The following WASHC4 variants were observed in gnomAD, a reference collection of about 807,000 sequenced individuals.
WASHC4 encodes WASH complex subunit 4, also known as WASH complex subunit 7.
Under a neutral mutation model 166.6 loss-of-function variants are expected in WASHC4, and 86 were observed. The ratio of observed to expected loss-of-function variants is 0.52; its 90% CI spans 0.43 to 0.62. The LOEUF (loss-of-function observed/expected upper bound fraction) is 0.62, where lower values mean the gene tolerates loss of function less well. Ranked by LOEUF, WASHC4 falls within the 20% of genes least tolerant of loss-of-function variation. The pLI is 0.00. For synonymous variants in WASHC4, 446 were observed against 451.6 expected (o/e 0.99, Z 0.16); for missense variants, 1,262 against 1,382.4 (o/e 0.91, Z 1.38).
intron 26 of WASHC4, among the ~76,000 whole-genome samples, chr12:105,153,721 G>A (rs376845209): frequency 3.1e-4 from 47 of 152,254 alleles, no homozygotes; most frequent in Middle Eastern, 3.4e-3. Context: ...TCCTTCTAGA[G>A]CAGTGTTACT....
At chr12:105,109,560 A>C (rs1879445326) in intron 1 of WASHC4, among the ~76,000 whole-genome samples, 1 of 151,718 alleles carries the variant, frequency 6.6e-6, no homozygotes, top group African/African-American at 2.4e-5. Context: ...GGAACTTTTA[A>C]TGTTATTTTA....
chr12:105,140,412 T>G lies in WASHC4; in HGVS notation c.1560+11T>G. On this transcript the variant is annotated intron_variant, in intron 16 of 32. Coordinates refer to ENST00000332180, the MANE Select transcript of WASHC4 (RefSeq NM_015275.3). ...ATTTCTGTGGCCAAGGTATGCAGCT[T>G]ATTATGTATTTAGCATAAGTATGTT... 6.5e-7 allele frequency: 1 copy of G among 1,539,996 alleles called. No individual in the cohort carries two copies. The highest frequency in any genetic ancestry group is 9.0e-7 in the Non-Finnish European group (1 of 1,112,432).
chr12:105,107,971 G>C (rs775255592), intron 1 of WASHC4, 110 bp downstream of exon 1: 6 of 833,276 alleles, frequency 7.2e-6, no homozygotes, highest in Non-Finnish European at 8.0e-6. Flanking sequence ...CGTCTGGTGC[G>C]GGACACTTCA....
At chr12:105,123,102 T>G (rs1251743678) in intron 10 of WASHC4, among the ~76,000 whole-genome samples, 1 of 152,106 alleles carries the variant, frequency 6.6e-6, no homozygotes, top group Non-Finnish European at 1.5e-5. Context: ...TCACGTGAGG[T>G]CAGGAGTTCA....
At chr12:105,114,294 T>A in intron 3 of WASHC4, 25 bp downstream of exon 3, 1 of 1,605,044 alleles carries the variant, frequency 6.2e-7, no homozygotes, top group Non-Finnish European at 8.5e-7. Context: ...ATCTAAAAAA[T>A]TGTTTTAAAA....
At chr12:105,121,062 C>G in intron 8 of WASHC4, 39 bp from the exon 9 acceptor site, 1 of 1,352,984 alleles carries the variant, frequency 7.4e-7, no homozygotes, top group Non-Finnish European at 1.1e-6. Context: ...TAACTTCTAA[C>G]TAGTGACTAA....
At chr12:105,140,451 G>C (rs765881902) in intron 16 of WASHC4, 50 bp downstream of exon 16, 1 of 1,327,062 alleles carries the variant, frequency 7.5e-7, no homozygotes, top group Non-Finnish European at 1.1e-6. Context: ...TTTTTTGTTT[G>C]TTCTTTCATT....
At chr12:105,140,850 C>G in intron 16 of WASHC4, 49 bp from the exon 17 acceptor site, 2 of 1,573,034 alleles carry the variant, frequency 1.3e-6, no homozygotes, top group Non-Finnish European at 1.7e-6. Context: ...TCTTCTGAGT[C>G]TTTTGTTACT....
chr12:105,125,934 G>A (rs1881238647), intron 10 of WASHC4, 70 bp from the exon 11 acceptor site: 2 of 1,419,118 alleles, frequency 1.4e-6, no homozygotes, highest in Non-Finnish European at 2.0e-6. Context: ...TGTATTTAGT[G>A]TATGATATTT....
chr12:105,148,653 T>G (rs954448057), intron 24 of WASHC4: 1 of 985,242 alleles, frequency 1.0e-6, no homozygotes, highest in Non-Finnish European at 1.2e-6. Context: ...AGTACAATGT[T>G]TAAGCTACAA....
chr12:105,148,528 T>C lies in WASHC4; in HGVS notation c.2515-1087T>C, dbSNP rs1438618522. The C allele has an allele frequency of 7.1e-6, 7 of 985,206 alleles. No homozygotes were observed. The African/African-American group carries it at 1.0e-4, about 15-fold the overall frequency. The allele number at this position is 985,206 out of a possible 1,614,324, so 61.0% of individuals were successfully genotyped here. A position where few individuals can be genotyped will look rare whatever the true frequency, so the allele number is the denominator to read the frequency against. On this transcript the variant is annotated intron_variant, in intron 24 of 32. Transcript: ENST00000332180. ...TGTTGATGAAATGAGCATAGAAGGA[T>C]AGAAATCAGGATGGCAGAATAGTTA...
Position 105,144,305 on chromosome 12 carries a change from T to C in WASHC4, c.2029T>C (p.Cys677Arg), listed in dbSNP as rs1883111176. ...ILNEHLLDKL[C>R]KEIEKDLRLS... ...TGAATAGCATTTGCTGGACAAATTA[T>C]GCAAAGAAATAGAGAAAGATCTGCG... Residue 677 changes from cysteine to arginine, a missense_variant, in exon 21 of 33, where the codon TGC becomes CGC. Physicochemically the swap from Cys to Arg is radical, Grantham distance 180. Transcript: ENST00000332180. 1.2e-6 allele frequency: 2 copies of C among 1,612,562 alleles called. No individual in the cohort carries two copies. The highest frequency in any genetic ancestry group is 4.5e-5 in the East Asian group (2 of 44,826).
intron 15 of WASHC4, among the ~76,000 whole-genome samples, chr12:105,139,850 T>C (rs957622128): frequency 6.6e-6 from 1 of 152,088 alleles, no homozygotes; most frequent in Non-Finnish European, 1.5e-5. Context: ...TGCTTAGTTT[T>C]AGTATAGTTG....
chr12:105,162,922 AT>A, intron 30 of WASHC4, 77 bp downstream of exon 30: 1 of 736,936 alleles, frequency 1.4e-6, no homozygotes, highest in Non-Finnish European at 2.3e-6. Flanking sequence ...CTGCTTGAGA[AT>A]AGGTCTATAT....
At chr12:105,133,050 G>A (rs1248107441) in intron 13 of WASHC4, among the ~76,000 whole-genome samples, 1 of 151,946 alleles carries the variant, frequency 6.6e-6, no homozygotes, top group Non-Finnish European at 1.5e-5. Context: ...ACTAAACTTA[G>A]ATCAAGTTAC....
chr12:105,145,683 A>G (rs1883233670), intron 22 of WASHC4, among the ~76,000 whole-genome samples: 1 of 152,148 alleles, frequency 6.6e-6, no homozygotes, highest in Non-Finnish European at 1.5e-5. Flanking sequence ...AAAAATGTGT[A>G]AACAAATTTT....
Position 105,168,841 on chromosome 12 carries a change from T to C in WASHC4, c.*1910T>C, listed in dbSNP as rs1454813343. The C allele has an allele frequency of 6.6e-6, 1 of 152,290 alleles. No homozygotes were observed. Among genetic ancestry groups the C allele is most frequent in the Non-Finnish European group, 1.5e-5 (1 of 67,972 alleles). 9.4% of individuals were successfully genotyped at this position (152,290 alleles called of 1,614,324 possible). A position where few individuals can be genotyped will look rare whatever the true frequency, so the allele number is the denominator to read the frequency against. On this transcript the variant is annotated 3_prime_UTR_variant, in exon 33 of 33. Coordinates refer to ENST00000332180, the MANE Select transcript of WASHC4 (RefSeq NM_015275.3). ...CTTCAGTATATTCACATCTAATAGG[T>C]TAATATGTACATTTGGATGATGATT...
Position 105,141,164 on chromosome 12 carries a change from T to C in WASHC4, c.1708-3T>C, listed in dbSNP as rs1168038981. The C allele has an allele frequency of 6.2e-7, 1 of 1,612,552 alleles. No homozygotes were observed. The highest frequency in any genetic ancestry group is 8.5e-7 in the Non-Finnish European group (1 of 1,178,710). ...CTCTGCCTTTTTTTCCTGTCCCTGA[T>C]AGAAAACATTTAAAGATGAAGAACT... On this transcript the variant is annotated splice_polypyrimidine_tract_variant and splice_region_variant and intron_variant, in intron 17 of 32. Coordinates refer to ENST00000332180, the MANE Select transcript of WASHC4 (RefSeq NM_015275.3).
intron 13 of WASHC4, among the ~76,000 whole-genome samples, chr12:105,128,768 G>A (rs989641626): frequency 1.1e-5 from 1 of 88,374 alleles, no homozygotes; most frequent in Non-Finnish European, 2.2e-5. Flanking sequence ...ATTAAATTCC[G>A]TTTTGTTTTT....
Sources: allele counts gnomAD v4.1 joint callset (sites outside exome capture counted in the v4.1 genomes callset), GRCh38; gene constraint gnomAD v4.1.1; transcripts MANE v1.5; gene names NCBI Gene and HGNC (gene_info 2026-07-23, HGNC 2026-07-21).